Variants in GPR158 observed in about 807,000 individuals in gnomAD.
GPR158 encodes the protein G protein-coupled receptor 158, also known as metabotropic glycine receptor.
GPR158 carries 30 observed loss-of-function variants against 78.2 expected under a neutral mutation model. The observed-to-expected ratio is 0.38, with a 90% CI of 0.29 to 0.52. The LOEUF is 0.52. Ranked by LOEUF, GPR158 falls within the 20% of genes least tolerant of loss-of-function variation. GPR158 has a pLI of 0.83. For missense variants in GPR158, 1,463 were observed against 1,523.5 expected (o/e 0.96, Z 0.66); for synonymous variants, 581 against 591.1 (o/e 0.98, Z 0.25).
At chr10:25,392,594 G>A (rs1186501027) in intron 2 of GPR158, among the ~76,000 whole-genome samples, 2 of 152,094 alleles carry the variant, frequency 1.3e-5, no homozygotes, top group Non-Finnish European at 2.9e-5. Context: ...GGAGAAACAA[G>A]TGCTACTTAA....
chr10:25,267,781 A>G (rs1431100060), intron 2 of GPR158, among the ~76,000 whole-genome samples: 1 of 152,142 alleles, frequency 6.6e-6, no homozygotes, highest in Non-Finnish European at 1.5e-5. Context: ...TACATATTTA[A>G]TGATAGGGCC....
intron 2 of GPR158, among the ~76,000 whole-genome samples, chr10:25,250,512 G>A (rs2130720292): frequency 6.8e-6 from 1 of 146,462 alleles, no homozygotes; most frequent in African/African-American, 2.5e-5. Flanking sequence ...GGTATGTGGT[G>A]TCTTTGTTCT....
chr10:25,434,408 G>A (rs1374760021), intron 4 of GPR158, among the ~76,000 whole-genome samples: 8 of 152,072 alleles, frequency 5.3e-5, no homozygotes, highest in African/African-American at 1.7e-4. Flanking sequence ...CTAAAAAAGA[G>A]CTTTATAAAT....
At chr10:25,398,145 C>G (rs1303631182) in intron 3 of GPR158, among the ~76,000 whole-genome samples, 1 of 152,172 alleles carries the variant, frequency 6.6e-6, no homozygotes, top group Non-Finnish European at 1.5e-5. Flanking sequence ...TAGCCAAAAC[C>G]TTGATTTCAG....
chr10:25,555,786 G>T (rs1335796420), intron 6 of GPR158, among the ~76,000 whole-genome samples: 1 of 150,540 alleles, frequency 6.6e-6, no homozygotes, highest in African/African-American at 2.4e-5. Context: ...TGTTTCAAAT[G>T]AATTTTTAAG....
chr10:25,223,631 G>A (rs1047239060), intron 2 of GPR158, among the ~76,000 whole-genome samples: 2 of 152,116 alleles, frequency 1.3e-5, no homozygotes, highest in Non-Finnish European at 2.9e-5. Flanking sequence ...CTCACTTGTG[G>A]CATTTTTCAT....
At chr10:25,190,369 G>T (rs1852756881) in intron 1 of GPR158, among the ~76,000 whole-genome samples, 1 of 151,892 alleles carries the variant, frequency 6.6e-6, no homozygotes, top group African/African-American at 2.4e-5. Flanking sequence ...GTCTTACTTT[G>T]TCACCCAGGC....
chr10:25,515,973 T>G (rs1184399203), intron 5 of GPR158, among the ~76,000 whole-genome samples: 15 of 151,184 alleles, frequency 9.9e-5, no homozygotes, highest in African/African-American at 2.4e-4. Flanking sequence ...TGAACTAGTT[T>G]ACAGTCCCAC....
At chr10:25,324,831 C>CTTTCTTTCTTTCTTTCTTTCTTTCTTTCT (rs746272253) in intron 2 of GPR158, among the ~76,000 whole-genome samples, 2 of 125,390 alleles carry the variant, frequency 1.6e-5, no homozygotes, top group African/African-American at 6.2e-5. Flanking sequence ...TTTTTTCTTT[C>CTTTCTTTCTTTCTTTCTTTCTTTCTTTCT]TTTTTTTTTT....
chr10:25,403,229 A>G (rs1834469339), intron 3 of GPR158, among the ~76,000 whole-genome samples: 1 of 151,988 alleles, frequency 6.6e-6, no homozygotes, highest in Non-Finnish European at 1.5e-5. Context: ...ATACAAAAAT[A>G]TCTAGAAGTT....
intron 5 of GPR158, among the ~76,000 whole-genome samples, chr10:25,535,243 C>T (rs1390737090): frequency 6.6e-6 from 1 of 152,190 alleles, no homozygotes; most frequent in Non-Finnish European, 1.5e-5. Context: ...CACCCCTTGA[C>T]TAATTAGTTT....
intron 2 of GPR158, among the ~76,000 whole-genome samples, chr10:25,226,328 A>G (rs1853372330): frequency 6.6e-6 from 1 of 152,218 alleles, no homozygotes; most frequent in African/African-American, 2.4e-5. Context: ...GCCGTAGGAT[A>G]TAGTCTAGCT....
At chr10:25,200,784 A>G (rs1852913215) in intron 1 of GPR158, among the ~76,000 whole-genome samples, 1 of 151,972 alleles carries the variant, frequency 6.6e-6, no homozygotes, top group Non-Finnish European at 1.5e-5. Context: ...TGCTTTTGTC[A>G]AAGATCAGAT....
chr10:25,266,140 A>G (rs1275297516), intron 2 of GPR158, among the ~76,000 whole-genome samples: 2 of 152,170 alleles, frequency 1.3e-5, no homozygotes. Flanking sequence ...ATCTCAGCTC[A>G]GTCTTCATGT....
intron 2 of GPR158, among the ~76,000 whole-genome samples, chr10:25,317,480 A>G (rs936287941): frequency 2.7e-5 from 4 of 148,570 alleles, no homozygotes; most frequent in Non-Finnish European, 6.0e-5. Flanking sequence ...TTTTTCTTCT[A>G]TTTCTTTTCT....
chr10:25,306,716 A>C (rs1264637102), intron 2 of GPR158, among the ~76,000 whole-genome samples: 3 of 152,196 alleles, frequency 2.0e-5, no homozygotes, highest in African/African-American at 7.2e-5. Flanking sequence ...TGTGTCATGC[A>C]TGCCAGAATA....
rs1350712102 is a variant in GPR158, at chr10:25,600,598, T to A, written c.*1324T>A. 2 of 152,612 alleles carry A rather than the reference T, an allele frequency of 1.3e-5. No individual in the cohort carries two copies. Among genetic ancestry groups the A allele is most frequent in the Admixed American group, 1.3e-4 (2 of 15,276 alleles). 9.5% of individuals were successfully genotyped at this position (152,612 alleles called of 1,614,324 possible). On this transcript the variant is annotated 3_prime_UTR_variant, in exon 11 of 11. Coordinates refer to ENST00000376351, the MANE Select transcript of GPR158 (RefSeq NM_020752.3). ...AAGTATTTATTCTCATAAACTCTTA[T>A]TCATTGCTTCAGCTACAGGTAGAAC...
intron 2 of GPR158, among the ~76,000 whole-genome samples, chr10:25,277,484 G>A (rs747862198): frequency 3.9e-5 from 6 of 151,974 alleles, no homozygotes; most frequent in Non-Finnish European, 2.9e-5. Flanking sequence ...GAGAGAGAGA[G>A]AGAGAGAGAC....
chr10:25,584,931 A>G (rs1183955181), intron 7 of GPR158, among the ~76,000 whole-genome samples: 1 of 152,152 alleles, frequency 6.6e-6, no homozygotes, highest in Non-Finnish European at 1.5e-5. Flanking sequence ...TAGGCTGGAG[A>G]TGGAAGCAAA....
Sources: allele counts gnomAD v4.1 joint callset (sites outside exome capture counted in the v4.1 genomes callset), GRCh38; gene constraint gnomAD v4.1.1; transcripts MANE v1.5; gene names NCBI Gene and HGNC (gene_info 2026-07-23, HGNC 2026-07-21).